SEMA6A: variants seen among roughly 807,000 people sequenced by gnomAD.
The protein encoded by SEMA6A is semaphorin 6A.
In SEMA6A, 25 loss-of-function variants were observed where a neutral mutation model predicts 96.8. That is an observed-to-expected ratio of 0.26 (90% CI 0.19 to 0.36). SEMA6A has a LOEUF of 0.36. Ranked by LOEUF, SEMA6A falls within the 10% of genes least tolerant of loss-of-function variation. The probability of loss-of-function intolerance (pLI) is 1.00; values close to 1 mark genes in which losing one functional copy is unlikely to be tolerated. For missense variants in SEMA6A, 1,363 were observed against 1,323.1 expected, an observed-to-expected ratio of 1.03 and a Z score of -0.47; for synonymous variants, 612 against 518.0, an observed-to-expected ratio of 1.18 and a Z score of -2.46.
intron 17 of SEMA6A, 31 bp from the exon 18 acceptor site, chr5:116,467,778 C>A (rs1442127415): frequency 6.2e-7 from 1 of 1,610,006 alleles, no homozygotes; most frequent in East Asian, 2.2e-5. Flanking sequence ...GTTAGGAAAA[C>A]ATCACCAGAG....
chr5:116,458,268 A>G (rs1387949968), intron 18 of SEMA6A, among the ~76,000 whole-genome samples: 1 of 152,234 alleles, frequency 6.6e-6, no homozygotes, highest in Non-Finnish European at 1.5e-5. Context: ...CCAATTAAAG[A>G]GCAAATTTTT....
chr5:116,553,401 T>TA (rs1760492684), intron 1 of SEMA6A, among the ~76,000 whole-genome samples: 1 of 152,138 alleles, frequency 6.6e-6, no homozygotes, highest in Non-Finnish European at 1.5e-5. Context: ...AGCGTCTATT[T>TA]AATATGGCAG....
At chr5:116,541,896 T>G (rs1039716278) in intron 1 of SEMA6A, among the ~76,000 whole-genome samples, 3 of 152,192 alleles carry the variant, frequency 2.0e-5, no homozygotes, top group African/African-American at 7.2e-5. Context: ...TACACATGAA[T>G]GGGTATCTAG....
intron 10 of SEMA6A, among the ~76,000 whole-genome samples, chr5:116,486,237 T>C (rs145077444): frequency 9.7e-4 from 148 of 152,314 alleles, no homozygotes; most frequent in African/African-American, 3.4e-3. Context: ...TGTAGCAATT[T>C]AATACATTTC....
intron 1 of SEMA6A, among the ~76,000 whole-genome samples, chr5:116,544,214 G>A (rs987982185): frequency 3.9e-5 from 6 of 152,054 alleles, no homozygotes; most frequent in East Asian, 3.9e-4. Flanking sequence ...GCTTGGATGC[G>A]GGGTCTACGG....
chr5:116,523,881 C>A (rs1478211279), intron 1 of SEMA6A, among the ~76,000 whole-genome samples: 1 of 152,148 alleles, frequency 6.6e-6, no homozygotes, highest in African/African-American at 2.4e-5. Flanking sequence ...CAATCCTAAT[C>A]CCTTTCATTT....
chr5:116,485,896 G>C (rs1375063425), intron 10 of SEMA6A, among the ~76,000 whole-genome samples: 2 of 152,136 alleles, frequency 1.3e-5, no homozygotes, highest in Admixed American at 1.3e-4. Flanking sequence ...ACAGAGAGCT[G>C]AGTACTAAGG....
intron 18 of SEMA6A, among the ~76,000 whole-genome samples, chr5:116,457,631 A>G (rs1278533289): frequency 1.3e-5 from 2 of 152,174 alleles, no homozygotes; most frequent in Non-Finnish European, 2.9e-5. Context: ...AAGGGTGACA[A>G]ACCTTCACAT....
chr5:116,462,380 G>T (rs913714049), intron 18 of SEMA6A, among the ~76,000 whole-genome samples: 1 of 152,058 alleles, frequency 6.6e-6, no homozygotes, highest in Non-Finnish European at 1.5e-5. Flanking sequence ...GAGTCCTTCT[G>T]GATATCAGCA....
intron 1 of SEMA6A, among the ~76,000 whole-genome samples, chr5:116,558,115 T>C (rs1170817878): frequency 6.6e-6 from 1 of 152,222 alleles, no homozygotes; most frequent in Non-Finnish European, 1.5e-5. Flanking sequence ...ATATTCAGTT[T>C]GTTAAAGCCC....
chr5:116,476,499 G>A (rs867450550), intron 15 of SEMA6A, among the ~76,000 whole-genome samples: 3 of 152,236 alleles, frequency 2.0e-5, no homozygotes, highest in Non-Finnish European at 4.4e-5. Context: ...TCCCTCAAAA[G>A]ATGAAGATTT....
At chr5:116,518,766 A>G (rs1758786332) in intron 1 of SEMA6A, among the ~76,000 whole-genome samples, 2 of 152,232 alleles carry the variant, frequency 1.3e-5, no homozygotes, top group Admixed American at 6.5e-5. Flanking sequence ...TGGGAAGCAG[A>G]GAGGTCAACC....
intron 10 of SEMA6A, among the ~76,000 whole-genome samples, chr5:116,485,187 G>A (rs758595735): frequency 2.0e-5 from 3 of 152,100 alleles, no homozygotes; most frequent in African/African-American, 4.8e-5. Context: ...CTTAGGGGCC[G>A]TTTAAGAAAA....
At chr5:116,518,347 AAGGT>A (rs1479224901) in intron 1 of SEMA6A, among the ~76,000 whole-genome samples, 1 of 152,220 alleles carries the variant, frequency 6.6e-6, no homozygotes, top group Non-Finnish European at 1.5e-5. Context: ...ACTTGGATAC[AAGGT>A]TAATTACTGC....
At chr5:116,459,477 T>C (rs1005728109) in intron 18 of SEMA6A, among the ~76,000 whole-genome samples, 1 of 152,166 alleles carries the variant, frequency 6.6e-6, no homozygotes, top group African/African-American at 2.4e-5. Flanking sequence ...GCATGGCATT[T>C]AAGGTTCCAG....
chr5:116,475,663 A>T (rs1414028056), intron 15 of SEMA6A, 60 bp from the exon 16 acceptor site: 1 of 1,288,600 alleles, frequency 7.8e-7, no homozygotes, highest in Non-Finnish European at 1.1e-6. Context: ...AGTCTTCAGA[A>T]ATGAGTCAAG....
chr5:116,497,414 G>A, intron 3 of SEMA6A, 27 bp from the exon 4 acceptor site: 1 of 1,413,870 alleles, frequency 7.1e-7, no homozygotes, highest in Non-Finnish European at 1.0e-6. Flanking sequence ...ATTAATACAA[G>A]GTCAAACACA....
chr5:116,563,586 TTGAC>T (rs1247638882), intron 1 of SEMA6A, among the ~76,000 whole-genome samples: 1 of 151,168 alleles, frequency 6.6e-6, no homozygotes, highest in Non-Finnish European at 1.5e-5. Context: ...CACATTGTAT[TTGAC>T]TGACATCTAC....
chr5:116,514,791 C>G (rs542080529), intron 1 of SEMA6A, among the ~76,000 whole-genome samples: 41 of 152,280 alleles, frequency 2.7e-4, no homozygotes, highest in African/African-American at 9.1e-4. Context: ...TCCCTGTTTT[C>G]TACTGGGAGG....
Sources: gnomAD v4.1 joint callset for allele counts (sites outside exome capture counted in the v4.1 genomes callset) on GRCh38, gnomAD v4.1.1 for gene constraint, MANE v1.5 for transcripts, NCBI Gene and HGNC (gene_info 2026-07-23, HGNC 2026-07-21) for gene names.